The following RHCE variants were observed in gnomAD, a reference collection of about 807,000 sequenced individuals.
RHCE encodes the protein Rh blood group CcEe antigens.
Under a neutral mutation model 43.8 loss-of-function variants are expected in RHCE, and 22 were observed. The observed-to-expected ratio is 0.50, with a 90% confidence interval of 0.36 to 0.72. RHCE has a LOEUF of 0.72. Ranked by LOEUF, RHCE falls within the 30% of genes least tolerant of loss-of-function variation. The pLI, the probability that RHCE is intolerant of heterozygous loss-of-function variation, is 0.00. For synonymous variants in RHCE, 156 were observed against 210.7 expected (o/e 0.74, Z 2.25); for missense variants, 385 against 525.4 (o/e 0.73, Z 2.61).
chr1:25,414,564 G>T (rs1647231294), intron 1 of RHCE, among the ~76,000 whole-genome samples: 1 of 152,108 alleles, frequency 6.6e-6, no homozygotes, highest in South Asian at 2.1e-4. Context: ...AGGTGCCAGG[G>T]TTTGGAGTGT....
intron 2 of RHCE, among the ~76,000 whole-genome samples, chr1:25,405,103 ATTCCAGTACTT>A (rs1207030281): frequency 4.0e-5 from 6 of 149,972 alleles, no homozygotes; most frequent in African/African-American, 1.5e-4. Flanking sequence ...GGAGGCTGTA[ATTCCAGTACTT>A]TTCGGAGCCG....
At chr1:25,405,117 C>G (rs373789992) in intron 2 of RHCE, among the ~76,000 whole-genome samples, 7 of 150,500 alleles carry the variant, frequency 4.7e-5, no homozygotes, top group African/African-American at 1.7e-4. Context: ...CAGTACTTTT[C>G]GGAGCCGAGG....
chr1:25,407,717 T>A (rs1646957929), intron 2 of RHCE, among the ~76,000 whole-genome samples: 1 of 123,870 alleles, frequency 8.1e-6, no homozygotes, highest in African/African-American at 2.5e-5. Flanking sequence ...AATGCCCTTT[T>A]AAAATGTGTA....
chr1:25,391,041 G>A, intron 4 of RHCE, 126 bp from the exon 5 acceptor site: 5 of 1,314,814 alleles, frequency 3.8e-6, no homozygotes, highest in Non-Finnish European at 5.4e-6. Flanking sequence ...GTTAGATGGG[G>A]AAGTCACGTC....
chr1:25,417,204 G>A (rs1163781312), intron 1 of RHCE, among the ~76,000 whole-genome samples: 1 of 150,838 alleles, frequency 6.6e-6, no homozygotes, highest in Non-Finnish European at 1.5e-5. Context: ...AATAATCCTT[G>A]TATATCGTAA....
At chr1:25,390,217 T>C (rs1365724828) in intron 5 of RHCE, among the ~76,000 whole-genome samples, 1 of 152,214 alleles carries the variant, frequency 6.6e-6, no homozygotes, top group African/African-American at 2.4e-5. Flanking sequence ...CAGCTAATGT[T>C]TGCCTACCAT....
chr1:25,386,524 C>T (rs186611264), intron 6 of RHCE, among the ~76,000 whole-genome samples: 1 of 152,232 alleles, frequency 6.6e-6, no homozygotes, highest in African/African-American at 2.4e-5. Flanking sequence ...CATTAGTCTT[C>T]AGAATAAAAA....
upstream of RHCE, among the ~76,000 whole-genome samples, chr1:25,424,500 G>A (rs932680692): frequency 5.3e-5 from 8 of 151,634 alleles, no homozygotes; most frequent in African/African-American, 1.5e-4. Context: ...CGATTCTCCC[G>A]CCTCAGCCTC....
At chr1:25,417,154 A>C (rs895995923) in intron 1 of RHCE, among the ~76,000 whole-genome samples, 45 of 149,694 alleles carry the variant, frequency 3.0e-4, no homozygotes, top group Admixed American at 1.5e-3. Context: ...AAAACAAAAA[A>C]AAAACCCACC....
At chr1:25,381,192 ACT>A (rs1267931711) in intron 7 of RHCE, among the ~76,000 whole-genome samples, 6 of 151,958 alleles carry the variant, frequency 3.9e-5, no homozygotes, top group African/African-American at 1.4e-4. Context: ...TCCATAAATG[ACT>A]CTGGCACAGA....
chr1:25,370,804 C>T (rs1028324035), intron 8 of RHCE, among the ~76,000 whole-genome samples: 3 of 150,162 alleles, frequency 2.0e-5, no homozygotes, highest in Admixed American at 6.6e-5. Flanking sequence ...GCTGGAGTAC[C>T]GTGGCATGAT....
intron 7 of RHCE, among the ~76,000 whole-genome samples, chr1:25,379,479 ATATATATATATATATATTTT>A (rs1485849105): frequency 1.9e-3 from 51 of 26,346 alleles, no homozygotes; most frequent in South Asian, 6.5e-3. Context: ...ATATATATAT[ATATATATATATATATATTTT>A]TTTTTTTTTT....
rs1167308336 is a variant in RHCE at position 25,405,878 on chromosome 1, A to G, written c.335+2805T>C. ...TGCCAAGGGAGAGTACCCCGTCCCCAGGGGCAGGCCTGGGCACCACCCATC... is the reference window on the plus strand; with the variant it reads ...TGCCAAGGGAGAGTACCCCGTCCCCGGGGGCAGGCCTGGGCACCACCCATC... On this transcript the variant is annotated intron_variant, in intron 2 of 9. Transcript: ENST00000294413. Among the ~76,000 whole-genome samples the G allele has an allele frequency of 1.6e-5, 2 of 122,024 alleles. 1 individual carries two copies. The highest frequency in any genetic ancestry group is 8.3e-4 in the East Asian group (2 of 2,408). 80.1% of individuals were successfully genotyped at this position (122,024 alleles called of 152,430 possible).
At chr1:25,416,813 A>AGATGGC (rs1647513624) in intron 1 of RHCE, among the ~76,000 whole-genome samples, 1 of 78,084 alleles carries the variant, frequency 1.3e-5, no homozygotes, top group Non-Finnish European at 2.4e-5. Context: ...TTTTTTTTAG[A>AGATGGC]GATGGCGGGG....
rs1434741969 is a variant in RHCE at position 25,407,269 on chromosome 1, G to A, written c.335+1414C>T. On this transcript the variant is annotated intron_variant, in intron 2 of 9. Coordinates refer to ENST00000294413, the MANE Select transcript of RHCE (RefSeq NM_020485.8). The stretch of plus-strand genomic sequence containing the variant: ...AAATACATACAGTTTTTTTCCTCTA[G>A]GGCCAGTCAGGAGCTGGCTAGACTG... 1.6e-5 allele frequency among the ~76,000 whole-genome samples: 2 copies of A among 122,240 alleles called. 1 individual carries two copies. The highest frequency in any genetic ancestry group is 1.8e-4 in the Admixed American group (2 of 11,210). 80.2% of individuals were successfully genotyped at this position (122,240 alleles called of 152,430 possible).
chr1:25,380,318 T>C (rs1389730001), intron 7 of RHCE, among the ~76,000 whole-genome samples: 1 of 137,008 alleles, frequency 7.3e-6, no homozygotes, highest in Non-Finnish European at 1.5e-5. Flanking sequence ...ACTATGGAAT[T>C]TGGACCCCCG....
At position 25,388,972 on chromosome 1, in the gene RHCE, T is replaced by C. The variant is rs766012433; in HGVS notation, c.939+4A>G. 1 of 1,614,214 alleles carries C rather than the reference T, an allele frequency of 6.2e-7. No individual in the cohort carries two copies. The highest frequency in any genetic ancestry group is 8.5e-7 in the Non-Finnish European group (1 of 1,180,032). ...CAGAGAGCATTAGTTGTCTAGTTTC[T>C]TACCGGCAGGCACTTGGCTCCCCCG... On this transcript the variant is annotated splice_donor_region_variant and intron_variant, in intron 6 of 9. Transcript: ENST00000294413.
intron 1 of RHCE, chr1:25,419,897 G>A (rs2042721366): frequency 6.9e-6 from 1 of 143,974 alleles, no homozygotes; most frequent in Non-Finnish European, 1.5e-5. Flanking sequence ...GAGCAAGAGA[G>A]CTGGGCACAG....
At position 25,412,932 on chromosome 1, in the gene RHCE, G is replaced by A. The variant is rs575860436; in HGVS notation, c.149-4063C>T. Among the ~76,000 whole-genome samples the A allele has an allele frequency of 2.0e-5, 3 of 152,170 alleles. No homozygotes were observed. The East Asian group carries it at 5.8e-4, about 29-fold the overall frequency. On this transcript the variant is annotated intron_variant, in intron 1 of 9. Coordinates refer to ENST00000294413, the MANE Select transcript of RHCE (RefSeq NM_020485.8). Reference sequence around the variant, plus strand: ...CCAGCTACTCAGGAGGCTGAGGCAGGAGAATCGCTTGAACCCAGAAGGCTG... The same window carrying A: ...CCAGCTACTCAGGAGGCTGAGGCAGAAGAATCGCTTGAACCCAGAAGGCTG...
Sources: gnomAD v4.1 joint callset for allele counts (sites outside exome capture counted in the v4.1 genomes callset) on GRCh38, gnomAD v4.1.1 for gene constraint, MANE v1.5 for transcripts, NCBI Gene and HGNC (gene_info 2026-07-23, HGNC 2026-07-21) for gene names.